Variants in MED12L observed in about 807,000 individuals in gnomAD.
MED12L encodes mediator complex subunit 12L.
Under a neutral mutation model 281.3 loss-of-function variants are expected in MED12L, and 60 were observed. That is an observed-to-expected ratio of 0.21 (90% confidence interval 0.17 to 0.26). The LOEUF (loss-of-function observed/expected upper bound fraction) is 0.26, where lower values mean the gene tolerates loss of function less well. Among genes scored for constraint, MED12L ranks in the 10% least tolerant of loss-of-function variants. The pLI, the probability that MED12L is intolerant of heterozygous loss-of-function variation, is 1.00. For missense variants in MED12L, 2,146 were observed against 2,680.9 expected, an observed-to-expected ratio of 0.80 and a Z score of 4.41; for synonymous variants, 974 against 987.2, an observed-to-expected ratio of 0.99 and a Z score of 0.25.
At chr3:151,386,836 A>G (rs1299559561) in intron 36 of MED12L, among the ~76,000 whole-genome samples, 1 of 151,176 alleles carries the variant, frequency 6.6e-6, no homozygotes, top group Non-Finnish European at 1.5e-5. Context: ...AGCCTCCCAA[A>G]TTGCTGAGAT....
At chr3:151,401,179 TATTC>T (rs746955544) in intron 39 of MED12L, among the ~76,000 whole-genome samples, 4 of 152,240 alleles carry the variant, frequency 2.6e-5, no homozygotes, top group Non-Finnish European at 4.4e-5. Flanking sequence ...TATGTAGTTA[TATTC>T]ATTCATTTAT....
chr3:151,380,479 C>T (rs575532656), intron 32 of MED12L, among the ~76,000 whole-genome samples: 9 of 151,926 alleles, frequency 5.9e-5, no homozygotes, highest in Non-Finnish European at 8.8e-5. Flanking sequence ...CGCCTATGAT[C>T]CCAGCTACTC....
chr3:151,153,120 T>C (rs1016326399), intron 5 of MED12L, among the ~76,000 whole-genome samples: 3 of 152,372 alleles, frequency 2.0e-5, no homozygotes, highest in East Asian at 1.9e-4. Flanking sequence ...ACTACTGTTT[T>C]AGCTATGCAT....
chr3:151,117,753 A>T (rs1220999), intron 3 of MED12L, among the ~76,000 whole-genome samples: 150,784 of 151,972 alleles, frequency 0.99, 74,806 homozygotes, highest in Middle Eastern at 1. Flanking sequence ...TGCTCAAAAA[A>T]TTTTTTTAAA....
intron 16 of MED12L, among the ~76,000 whole-genome samples, chr3:151,318,116 A>G (rs1340204239): frequency 1.3e-5 from 2 of 151,974 alleles, no homozygotes; most frequent in African/African-American, 4.8e-5. Flanking sequence ...CCATACAAAA[A>G]CAGACACCTA....
intron 16 of MED12L, among the ~76,000 whole-genome samples, chr3:151,229,716 C>T (rs904598323): frequency 1.3e-5 from 2 of 152,004 alleles, no homozygotes; most frequent in Admixed American, 6.6e-5. Flanking sequence ...CCGCCTGCCT[C>T]GGCCTCCCAA....
chr3:151,333,476 CT>C (rs1426556680), intron 16 of MED12L, among the ~76,000 whole-genome samples: 1 of 152,150 alleles, frequency 6.6e-6, no homozygotes, highest in East Asian at 1.9e-4. Flanking sequence ...TGGTTTTGAT[CT>C]GCATTTCTCT....
chr3:151,241,580 A>C (rs1734086148), intron 16 of MED12L, among the ~76,000 whole-genome samples: 2 of 152,218 alleles, frequency 1.3e-5, no homozygotes, highest in Non-Finnish European at 2.9e-5. Flanking sequence ...ACTGGAATAC[A>C]TATGCACACA....
At chr3:151,392,468 A>AG (rs2108238182) in intron 38 of MED12L, among the ~76,000 whole-genome samples, 2 of 37,874 alleles carry the variant, frequency 5.3e-5, no homozygotes, top group African/African-American at 1.3e-4. Context: ...CCATCTCAAG[A>AG]AAAAAAAAAA....
In MED12L at chr3:151,432,951, AAAAG is replaced by A; in HGVS notation, c.*148_*151del. ...TTATGCTACATCTCACAAAAAAAAAAAAAGGTGTTTAAACAAAAAGCCAAGGAGA... is the reference window on the plus strand; with the variant it reads ...TTATGCTACATCTCACAAAAAAAAAAGTGTTTAAACAAAAAGCCAAGGAGA... On this transcript the variant is annotated 3_prime_UTR_variant, in exon 45 of 45. Transcript: ENST00000687756. 4.8e-6 allele frequency: 3 copies of A among 628,834 alleles called. No individual in the cohort carries two copies. The highest frequency in any genetic ancestry group is 5.0e-5 in the South Asian group (2 of 39,906). 39.0% of individuals were successfully genotyped at this position (628,834 alleles called of 1,614,324 possible).
chr3:151,198,861 A>G, intron 16 of MED12L: 2 of 1,614,074 alleles, frequency 1.2e-6, no homozygotes, highest in East Asian at 4.5e-5. Context: ...AGCAAATGCC[A>G]ATTTCTTCCA....
At chr3:151,356,544 A>G (rs969579146) in intron 19 of MED12L, among the ~76,000 whole-genome samples, 1 of 152,214 alleles carries the variant, frequency 6.6e-6, no homozygotes, top group African/African-American at 2.4e-5. Flanking sequence ...AGTTGTGTTC[A>G]TAGTTTTCAA....
At chr3:151,350,485 TG>T (rs1341639869) in intron 17 of MED12L, among the ~76,000 whole-genome samples, 1 of 152,142 alleles carries the variant, frequency 6.6e-6, no homozygotes. Flanking sequence ...TTCTGATTTT[TG>T]GTATACTTCT....
chr3:151,199,083 T>C (rs1239679051), intron 16 of MED12L: 22 of 1,613,914 alleles, frequency 1.4e-5, no homozygotes, highest in African/African-American at 8.0e-5. Context: ...AAGAAGATAA[T>C]TGATAAATAC....
chr3:151,139,054 A>T (rs1247320404), intron 5 of MED12L, among the ~76,000 whole-genome samples: 2 of 152,096 alleles, frequency 1.3e-5, no homozygotes, highest in African/African-American at 4.8e-5. Flanking sequence ...GTATTCAAGC[A>T]TTTCTATCAG....
chr3:151,264,349 T>C (rs1269754396), intron 16 of MED12L, among the ~76,000 whole-genome samples: 1 of 152,252 alleles, frequency 6.6e-6, no homozygotes, highest in African/African-American at 2.4e-5. Flanking sequence ...CATGCCATCT[T>C]TTAAATGGAA....
chr3:151,417,267 C>T (rs1717674698), intron 43 of MED12L, among the ~76,000 whole-genome samples: 1 of 152,026 alleles, frequency 6.6e-6, no homozygotes, highest in Admixed American at 6.6e-5. Flanking sequence ...GCCTTCAGCA[C>T]AGGATTTTTA....
At chr3:151,233,594 G>A (rs1416322575) in intron 16 of MED12L, among the ~76,000 whole-genome samples, 3 of 152,286 alleles carry the variant, frequency 2.0e-5, no homozygotes, top group Middle Eastern at 3.4e-3. Flanking sequence ...TTAGCTGGGC[G>A]TGGTGGCAGG....
intron 2 of MED12L, among the ~76,000 whole-genome samples, chr3:151,096,252 A>G (rs937938906): frequency 1.4e-4 from 22 of 152,212 alleles, no homozygotes; most frequent in Non-Finnish European, 2.6e-4. Context: ...AACAGTGCAT[A>G]GCTATCCTCA....
Sources: allele counts gnomAD v4.1 joint callset (sites outside exome capture counted in the v4.1 genomes callset), GRCh38; gene constraint gnomAD v4.1.1; transcripts MANE v1.5; gene names NCBI Gene and HGNC (gene_info 2026-07-23, HGNC 2026-07-21).